The following SNX25 variants were observed in gnomAD, a reference collection of about 807,000 sequenced individuals.
The protein encoded by SNX25 is sorting nexin-25.
SNX25 carries 62 observed loss-of-function variants against 113.7 expected under a neutral mutation model. That is an observed-to-expected ratio of 0.55 (90% CI 0.44 to 0.67). The LOEUF (loss-of-function observed/expected upper bound fraction) is 0.67, where lower values mean the gene tolerates loss of function less well. SNX25 is among the 30% of genes least tolerant of loss of function. The probability of loss-of-function intolerance (pLI) is 0.00; values close to 1 mark genes in which losing one functional copy is unlikely to be tolerated. For missense variants in SNX25, 1,014 were observed against 1,161.0 expected, an observed-to-expected ratio of 0.87 and a Z score of 1.84; for synonymous variants, 421 against 436.2, an observed-to-expected ratio of 0.97 and a Z score of 0.43.
intron 6 of SNX25, among the ~76,000 whole-genome samples, chr4:185,293,739 A>G (rs1752489098): frequency 6.6e-6 from 1 of 152,102 alleles, no homozygotes; most frequent in African/African-American, 2.4e-5. Flanking sequence ...TTTTATTTAC[A>G]TTATGGTTAT....
Position 185,253,336 on chromosome 4 carries a change from C to T in SNX25, c.515-5512C>T, listed in dbSNP as rs77685572. Among the ~76,000 whole-genome samples, 454 of 152,136 alleles carry T rather than the reference C, an allele frequency of 3.0e-3. 4 individuals carry two copies. Among genetic ancestry groups the T allele is most frequent in the African/African-American group, 0.01 (432 of 41,532 alleles). On this transcript the variant is annotated intron_variant, in intron 2 of 18. Transcript: ENST00000652585. ...ACCCTGTCTGCCACACAGAAAACTC[C>T]GAAAAACAACAAAACCCCAGACGTT...
chr4:185,375,443 G>A, the SNX25 span, among the ~76,000 whole-genome samples: 3 of 86,560 alleles, frequency 3.5e-5, no homozygotes, highest in African/African-American at 4.4e-5. Context: ...GCGACAGAGC[G>A]AGACTCCGTC....
intron 1 of SNX25, among the ~76,000 whole-genome samples, chr4:185,227,382 G>A (rs1741180188): frequency 6.6e-6 from 1 of 152,222 alleles, no homozygotes; most frequent in South Asian, 2.1e-4. Flanking sequence ...TCAAGACAGG[G>A]CTGCCTTACC....
intron 1 of SNX25, among the ~76,000 whole-genome samples, chr4:185,227,450 T>C (rs1247573708): frequency 6.6e-6 from 1 of 152,226 alleles, no homozygotes; most frequent in Non-Finnish European, 1.5e-5. Context: ...TGTTCCCGAG[T>C]TTACCATTGG....
intron 2 of SNX25, among the ~76,000 whole-genome samples, chr4:185,249,633 C>T (rs1399504391): frequency 6.6e-6 from 1 of 151,858 alleles, no homozygotes; most frequent in Non-Finnish European, 1.5e-5. Flanking sequence ...TTTTTTTCCT[C>T]TCTGTTCTTT....
rs2126609174 is a variant in SNX25 at position 185,287,897 on chromosome 4, C to A, written c.1092-115C>A. 7.3e-6 allele frequency: 6 copies of A among 819,730 alleles called. No individual in the cohort carries two copies. In the East Asian group the frequency reaches 1.4e-4, roughly 19 times the overall value. 50.8% of individuals were successfully genotyped at this position (819,730 alleles called of 1,614,324 possible). A position where few individuals can be genotyped will look rare whatever the true frequency, so the allele number is the denominator to read the frequency against. ...TCGGATTATTTTATGGAGCCTTGGGCAGGATTCACAGCTCCTGTGTTACAT... is the reference window on the plus strand; with the variant it reads ...TCGGATTATTTTATGGAGCCTTGGGAAGGATTCACAGCTCCTGTGTTACAT... On this transcript the variant is annotated intron_variant, in intron 5 of 18. Transcript: ENST00000652585.
At chr4:185,343,081 G>A (rs1352808326) in intron 12 of SNX25, among the ~76,000 whole-genome samples, 1 of 152,062 alleles carries the variant, frequency 6.6e-6, no homozygotes, top group Non-Finnish European at 1.5e-5. Context: ...AGCAGAGACG[G>A]GGTTTCACCA....
Position 185,323,810 on chromosome 4 carries a change from A to G in SNX25, c.1749+10A>G. 1 of 1,609,656 alleles carries G rather than the reference A, an allele frequency of 6.2e-7. No homozygotes were observed. Among genetic ancestry groups the G allele is most frequent in the Non-Finnish European group, 8.5e-7 (1 of 1,179,080 alleles). On this transcript the variant is annotated intron_variant, in intron 9 of 18. Transcript: ENST00000652585. ...CAACAAGGATGAGATGGTGAGTCACATTTAACTTTCTGCTCCTTTTTATTG... is the reference window on the plus strand; with the variant it reads ...CAACAAGGATGAGATGGTGAGTCACGTTTAACTTTCTGCTCCTTTTTATTG...
intron 3 of SNX25, among the ~76,000 whole-genome samples, chr4:185,263,759 G>A (rs917754805): frequency 2.0e-4 from 31 of 152,068 alleles, no homozygotes; most frequent in Admixed American, 1.0e-3. Flanking sequence ...ATTAGAAAAC[G>A]CAGCATCCCA....
intron 6 of SNX25, among the ~76,000 whole-genome samples, chr4:185,288,747 A>G (rs543451841): frequency 1.3e-5 from 2 of 152,288 alleles, no homozygotes; most frequent in Admixed American, 6.5e-5. Flanking sequence ...ACTCCCTTGT[A>G]GTTTGCCTGA....
intron 6 of SNX25, among the ~76,000 whole-genome samples, chr4:185,300,921 TAC>T (rs1056162174): frequency 8.6e-5 from 13 of 150,962 alleles, no homozygotes; most frequent in African/African-American, 2.9e-4. Context: ...TAGCCCTTGT[TAC>T]AGTGTTTTAT....
chr4:185,367,185 T>C (rs200643281), downstream of SNX25: 8 of 1,612,506 alleles, frequency 5.0e-6, no homozygotes, highest in Middle Eastern at 1.7e-4. Flanking sequence ...GTGGTCTAAA[T>C]TCTTTGACGA....
intron 13 of SNX25, among the ~76,000 whole-genome samples, chr4:185,348,025 C>T (rs1304564044): frequency 3.9e-5 from 6 of 152,186 alleles, no homozygotes; most frequent in Non-Finnish European, 1.5e-5. Flanking sequence ...TCTTGGCCTA[C>T]TCCAAGGCCC....
intron 2 of SNX25, among the ~76,000 whole-genome samples, chr4:185,250,607 T>C (rs1443983169): frequency 6.6e-6 from 1 of 152,218 alleles, no homozygotes; most frequent in East Asian, 1.9e-4. Flanking sequence ...AACATGGATC[T>C]TACCTAGTGC....
At chr4:185,378,366 C>G in the SNX25 span, 5 of 1,417,408 alleles carry the variant, frequency 3.5e-6, no homozygotes, top group Non-Finnish European at 4.6e-6. Flanking sequence ...ACATTCTTTA[C>G]TAGGACACCA....
At chr4:185,338,345 G>A (rs1372065902) in intron 10 of SNX25, among the ~76,000 whole-genome samples, 3 of 148,952 alleles carry the variant, frequency 2.0e-5, no homozygotes, top group East Asian at 2.0e-4. Context: ...GCACGATCTC[G>A]GCTCCCTGCA....
chr4:185,260,084 C>T (rs535933819), intron 3 of SNX25, among the ~76,000 whole-genome samples: 41 of 152,284 alleles, frequency 2.7e-4, no homozygotes, highest in Non-Finnish European at 4.7e-4. Flanking sequence ...TATTATGACC[C>T]AGTTTCATGA....
chr4:185,354,967 G>A (rs1369451919), intron 15 of SNX25, among the ~76,000 whole-genome samples: 4 of 152,216 alleles, frequency 2.6e-5, no homozygotes, highest in Admixed American at 6.5e-5. Context: ...GGCTCTGTCC[G>A]TTCACATCAG....
Position 185,363,272 on chromosome 4 carries a change from CTGAGA to C in SNX25, c.2935-111_2935-107del, listed in dbSNP as rs2095374728. The C allele has an allele frequency of 3.4e-6, 3 of 872,264 alleles. No individual in the cohort carries two copies. The highest frequency in any genetic ancestry group is 5.4e-6 in the Non-Finnish European group (3 of 552,350). The allele number at this position is 872,264 out of a possible 1,614,324, so 54.0% of individuals were successfully genotyped here. On this transcript the variant is annotated intron_variant, in intron 18 of 18. Coordinates refer to ENST00000652585, the MANE Select transcript of SNX25 (RefSeq NM_001378034.2). This position sits in a 1 kb window ranked among gnomAD's most constrained non-coding sequence, Gnocchi z 4.2. ...ATACTGTTTGAGAGTTACTTGTTTA[CTGAGA>C]TAATTTCAGACCTAAAATTAGACTT...
Sources: gnomAD v4.1 joint callset for allele counts (sites outside exome capture counted in the v4.1 genomes callset) on GRCh38, gnomAD v4.1.1 for gene constraint, Gnocchi (gnomAD v3.1) non-coding constraint, MANE v1.5 for transcripts, NCBI Gene and HGNC (gene_info 2026-07-23, HGNC 2026-07-21) for gene names.